UBE2D3: variants seen among roughly 807,000 people sequenced by gnomAD.
UBE2D3 encodes ubiquitin conjugating enzyme E2 D3.
In UBE2D3, 2 loss-of-function variants were observed where a neutral mutation model predicts 22.8. The ratio of observed to expected loss-of-function variants is 0.09; its 90% CI spans 0.04 to 0.28. UBE2D3 has a LOEUF of 0.28. Among genes scored for constraint, UBE2D3 ranks in the 10% least tolerant of loss-of-function variants. The probability of loss-of-function intolerance (pLI) is 1.00; values close to 1 mark genes in which losing one functional copy is unlikely to be tolerated. For synonymous variants in UBE2D3, 56 were observed against 60.4 expected (o/e 0.93, Z 0.34); for missense variants, 27 against 182.5 (o/e 0.15, Z 4.91).
At chr4:102,839,987 CAGA>C (rs747700520) in intron 1 of UBE2D3, among the ~76,000 whole-genome samples, 5 of 152,164 alleles carry the variant, frequency 3.3e-5, no homozygotes, top group African/African-American at 7.2e-5. Context: ...AGACATTTCT[CAGA>C]AGAAGACACA....
intron 2 of UBE2D3, among the ~76,000 whole-genome samples, chr4:102,817,684 T>C (rs1320729175): frequency 6.6e-6 from 1 of 152,144 alleles, no homozygotes; most frequent in Non-Finnish European, 1.5e-5. Flanking sequence ...AAAACTAATG[T>C]TTTCCTTAGT....
At chr4:102,800,129 C>G (rs530116594) in intron 6 of UBE2D3, among the ~76,000 whole-genome samples, 17 of 152,060 alleles carry the variant, frequency 1.1e-4, no homozygotes, top group South Asian at 1.0e-3. Context: ...GAACATAGAT[C>G]GCATTCACTT....
intron 4 of UBE2D3, among the ~76,000 whole-genome samples, chr4:102,804,227 C>A (rs1198232097): frequency 6.6e-6 from 1 of 151,950 alleles, no homozygotes; most frequent in Non-Finnish European, 1.5e-5. Flanking sequence ...AATGGTGCAA[C>A]CTCAGCTCAC....
At chr4:102,864,058 T>C (rs1244404709) in intron 1 of UBE2D3, among the ~76,000 whole-genome samples, 5 of 152,180 alleles carry the variant, frequency 3.3e-5, no homozygotes, top group Non-Finnish European at 4.4e-5. Flanking sequence ...AGATGAAATA[T>C]CATACTAACT....
chr4:102,808,420 A>C (rs79457578), intron 4 of UBE2D3, among the ~76,000 whole-genome samples: 1,815 of 152,326 alleles, frequency 0.012, 19 homozygotes, highest in African/African-American at 0.036. Context: ...TTTCGTTATT[A>C]CAGGACTATT....
intron 1 of UBE2D3, chr4:102,827,168 G>A (rs911667657): frequency 3.1e-4 from 303 of 986,756 alleles, no homozygotes; most frequent in Non-Finnish European, 3.6e-4. Context: ...CTTCCAGCGC[G>A]CTCCCGCGCG....
intron 1 of UBE2D3, among the ~76,000 whole-genome samples, chr4:102,859,488 C>T (rs1277257071): frequency 6.6e-6 from 1 of 151,950 alleles, no homozygotes; most frequent in Non-Finnish European, 1.5e-5. Context: ...TTATGAACCA[C>T]AAAAAGATCA....
At chr4:102,856,160 G>A (rs547358950) in intron 1 of UBE2D3, among the ~76,000 whole-genome samples, 2 of 152,296 alleles carry the variant, frequency 1.3e-5, no homozygotes, top group East Asian at 3.9e-4. Flanking sequence ...AAGGCCAGGA[G>A]TTCAAGACCA....
chr4:102,815,704 CTAACA>C (rs1364911532), intron 2 of UBE2D3, among the ~76,000 whole-genome samples: 1 of 152,092 alleles, frequency 6.6e-6, no homozygotes. Context: ...TGTTACTCTC[CTAACA>C]TTTCTAAATG....
intron 2 of UBE2D3, chr4:102,825,678 C>A (rs1311502644): frequency 2.4e-6 from 2 of 838,536 alleles, no homozygotes; most frequent in Non-Finnish European, 3.5e-6. Flanking sequence ...TTTCAAGTAA[C>A]GAAACAAGGG....
At position 102,853,135 on chromosome 4, in the gene UBE2D3, ATTTTTT is replaced by A. The variant is rs151339235; in HGVS notation, c.-129+15574_-129+15579del. Reference sequence around the variant, plus strand: ...GTCAAAATTACACACAAACACACACATTTTTTTTTTTTTTTTTTTTTTTTTGAGACG... The same window carrying A: ...GTCAAAATTACACACAAACACACACATTTTTTTTTTTTTTTTTTTGAGACG... On this transcript the variant is annotated intron_variant, in intron 1 of 7. Coordinates refer to the UBE2D3 transcript ENST00000338145. Among the ~76,000 whole-genome samples, 8 of 88,606 alleles carry A rather than the reference ATTTTTT, an allele frequency of 9.0e-5. 2 individuals carry two copies. The highest frequency in any genetic ancestry group is 1.5e-4 in the Admixed American group (1 of 6,886). 58.1% of individuals were successfully genotyped at this position (88,606 alleles called of 152,430 possible).
intron 2 of UBE2D3, chr4:102,819,618 C>A: frequency 1.0e-6 from 1 of 985,250 alleles, no homozygotes; most frequent in Non-Finnish European, 1.2e-6. Context: ...AGGTTTCATC[C>A]CCCCAAGGCT....
rs1046170745 is a variant in UBE2D3, at chr4:102,827,418, C to T, written c.-129+9G>A. ...CTTCCCTGCCCTAGCCGTCCACACC[C>T]ACGCGTACAGAGGGGCCGGGGCCTC... On this transcript the variant is annotated intron_variant, in intron 1 of 7. Transcript: ENST00000453744. 2.0e-6 allele frequency: 2 copies of T among 986,050 alleles called. No individual in the cohort carries two copies. The highest frequency in any genetic ancestry group is 2.4e-6 in the Non-Finnish European group (2 of 830,132). The allele number at this position is 986,050 out of a possible 1,614,324, so 61.1% of individuals were successfully genotyped here.
upstream of UBE2D3, chr4:102,828,123 G>A (rs1730871182): frequency 3.0e-6 from 3 of 985,350 alleles, no homozygotes; most frequent in Admixed American, 1.8e-4. Context: ...CCACTGCCAG[G>A]AAAGCAACGC....
chr4:102,866,861 T>C (rs1733166878), intron 1 of UBE2D3, among the ~76,000 whole-genome samples: 1 of 152,170 alleles, frequency 6.6e-6, no homozygotes, highest in Admixed American at 6.5e-5. Context: ...CTAGGGTATC[T>C]AGTTGTACCC....
chr4:102,820,321 T>C (rs1729395728), intron 2 of UBE2D3, among the ~76,000 whole-genome samples: 1 of 152,204 alleles, frequency 6.6e-6, no homozygotes, highest in African/African-American at 2.4e-5. Flanking sequence ...AACATGGTTA[T>C]TTCAAGAGAA....
At chr4:102,849,710 T>C (rs1013775933) in intron 1 of UBE2D3, among the ~76,000 whole-genome samples, 1 of 152,140 alleles carries the variant, frequency 6.6e-6, no homozygotes, top group Admixed American at 6.5e-5. Flanking sequence ...AAGTAAAAGG[T>C]TAATGTCAAA....
At chr4:102,801,431 C>T (rs1726143487) in intron 6 of UBE2D3, 23 bp downstream of exon 6, 1 of 1,564,832 alleles carries the variant, frequency 6.4e-7, no homozygotes, top group Middle Eastern at 2.3e-4. Flanking sequence ...ATGAGAACAG[C>T]TTATTTCACT....
In UBE2D3 at chr4:102,826,531, CCTCA is replaced by C. The variant is rs1730530792; in HGVS notation, c.-27_-24del. On this transcript the variant is annotated 5_prime_UTR_variant, in exon 2 of 8. Coordinates refer to ENST00000453744, the MANE Select transcript of UBE2D3 (RefSeq NM_181891.3). ...CATAGTGTGTGCTTGTCGTCTGGCT[CCTCA>C]CTCTCTCGGTGTATGCTCAAAGGTC... 6.2e-7 allele frequency: 1 copy of C among 1,612,976 alleles called. No homozygotes were observed. The highest frequency in any genetic ancestry group is 8.5e-7 in the Non-Finnish European group (1 of 1,180,016).
Sources: gnomAD v4.1 joint callset for allele counts (sites outside exome capture counted in the v4.1 genomes callset) on GRCh38, gnomAD v4.1.1 for gene constraint, MANE v1.5 for transcripts, NCBI Gene and HGNC (gene_info 2026-07-23, HGNC 2026-07-21) for gene names.